The following KMT2C variants were observed in gnomAD, a reference collection of about 807,000 sequenced individuals.
KMT2C encodes histone-lysine N-methyltransferase 2C.
KMT2C carries 88 observed loss-of-function variants against 507.9 expected under a neutral mutation model. That is an observed-to-expected ratio of 0.17 (90% CI 0.15 to 0.21). The LOEUF (loss-of-function observed/expected upper bound fraction) is 0.21. Ranked by LOEUF, KMT2C falls within the 10% of genes least tolerant of loss-of-function variation. The pLI is 1.00. For synonymous variants in KMT2C, 2,049 were observed against 2,080.8 expected (o/e 0.98, Z 0.42); for missense variants, 4,954 against 5,957.8 (o/e 0.83, Z 5.55).
intron 23 of KMT2C, among the ~76,000 whole-genome samples, chr7:152,210,380 G>C (rs759417527): frequency 1.3e-5 from 2 of 152,038 alleles, no homozygotes; most frequent in Non-Finnish European, 2.9e-5. Context: ...TATCTATCCA[G>C]TCTCCATCTT....
chr7:152,276,118 T>A (rs1441446293), intron 6 of KMT2C, among the ~76,000 whole-genome samples: 1 of 152,030 alleles, frequency 6.6e-6, no homozygotes, highest in Non-Finnish European at 1.5e-5. Context: ...AAGATATCAG[T>A]GAATAAAAGA....
At position 152,309,966 on chromosome 7, in the gene KMT2C, T is replaced by C. The variant is rs768389485; in HGVS notation, c.849A>G (p.Glu283=). ...VDKAVVSGST[E]RCAFCKHLGA... ...TTAAATATTTGCTTTGTCTACTTAC[T>C]TCTGTGCTCCCTGAGACAACAGCTT... The change falls in exon 6 of 59, where the codon GAA becomes GAG. Residue 283 remains glutamate, a splice_region_variant and synonymous_variant. Coordinates refer to ENST00000262189, the MANE Select transcript of KMT2C (RefSeq NM_170606.3). The C allele has an allele frequency of 6.3e-7, 1 of 1,582,572 alleles. No individual in the cohort carries two copies. Among genetic ancestry groups the C allele is most frequent in the Non-Finnish European group, 8.7e-7 (1 of 1,152,148 alleles).
rs1279555195 is a variant in KMT2C, at chr7:152,290,256, GTGTATA to G, written c.850-16395_850-16390del. Among the ~76,000 whole-genome samples, 5 of 32,050 alleles carry G rather than the reference GTGTATA, an allele frequency of 1.6e-4. No homozygotes were observed. The East Asian group carries it at 2.7e-3, about 18-fold the overall frequency. The allele number at this position is 32,050 out of a possible 152,430, so 21.0% of individuals were successfully genotyped here. On this transcript the variant is annotated intron_variant, in intron 6 of 58. Coordinates refer to ENST00000262189, the MANE Select transcript of KMT2C (RefSeq NM_170606.3). Reference sequence around the variant, plus strand: ...TGTGTGTGTGTGTGTGTGTGTGTATGTGTATATATATATATATATATATATATATAT... The same window carrying G: ...TGTGTGTGTGTGTGTGTGTGTGTATGTATATATATATATATATATATATAT...
At position 152,167,342 on chromosome 7, in the gene KMT2C, T is replaced by C; in HGVS notation, c.9554A>G (p.Gln3185Arg). ...CATTTGAAGCAGCTGTTGGGTCTCC[T>C]GGAGCCACTCTTCATACTGCTTACG... The part of the protein sequence containing the change: ...SQRKQYEEWL[Q>R]ETQQLLQMQQ... The change falls in exon 42 of 59, where the codon CAG becomes CGG. Residue 3185 changes from glutamine to arginine, a missense_variant. Coordinates refer to ENST00000262189, the MANE Select transcript of KMT2C (RefSeq NM_170606.3). 6.2e-7 allele frequency: 1 copy of C among 1,613,726 alleles called. No individual in the cohort carries two copies. The highest frequency in any genetic ancestry group is 8.5e-7 in the Non-Finnish European group (1 of 1,179,756).
At position 152,253,197 on chromosome 7, in the gene KMT2C, G is replaced by A. The variant is rs138969591; in HGVS notation, c.1300-482C>T. On this transcript the variant is annotated intron_variant, in intron 9 of 58. Coordinates refer to ENST00000262189, the MANE Select transcript of KMT2C (RefSeq NM_170606.3). ...TAAAAAGCTGTTTTCAATGTCTGAT[G>A]TGGCCTCACAAAATCTGCACTAAAA... Among the ~76,000 whole-genome samples the A allele has an allele frequency of 1.5e-3, 222 of 152,150 alleles. 1 individual carries two copies. Among genetic ancestry groups the A allele is most frequent in the African/African-American group, 5.1e-3 (210 of 41,498 alleles).
chr7:152,224,128 T>C lies in KMT2C; in HGVS notation c.3210A>G (p.Glu1070=). The C allele has an allele frequency of 5.0e-6, 8 of 1,608,224 alleles. No individual in the cohort carries two copies. Among genetic ancestry groups the C allele is most frequent in the Non-Finnish European group, 6.8e-6 (8 of 1,176,444 alleles). The part of the protein sequence containing the change: ...CGATSAGLRC[E]WQNNYTQCAP... ...CGCACTGTGTGTAATTGTTCTGCCA[T>C]TCACATCTTAGACCTGCAGATGTTG... The change falls in exon 20 of 59, where the codon GAA becomes GAG. Residue 1070 remains glutamate, a synonymous_variant. Transcript: ENST00000262189.
rs114543972 is a variant in KMT2C at position 152,331,541 on chromosome 7, G to A, written c.251-802C>T. Among the ~76,000 whole-genome samples the A allele has an allele frequency of 3.7e-3, 567 of 151,496 alleles. 8 individuals are homozygous for A. The highest frequency in any genetic ancestry group is 0.013 in the African/African-American group (543 of 41,254). On this transcript the variant is annotated intron_variant, in intron 2 of 58. Transcript: ENST00000262189. ...GGAGAATCAATCAAGCCCCGGCAGCGGAGGCTACAGTGAGCTGTGATGGCA... is the reference window on the plus strand; with the variant it reads ...GGAGAATCAATCAAGCCCCGGCAGCAGAGGCTACAGTGAGCTGTGATGGCA...
intron 25 of KMT2C, among the ~76,000 whole-genome samples, chr7:152,203,796 T>C (rs940553996): frequency 5.9e-5 from 9 of 152,084 alleles, no homozygotes; most frequent in Admixed American, 1.3e-4. Flanking sequence ...TTCTGAAAAC[T>C]AGAAATAGAC....
chr7:152,215,688 T>TAC (rs1554539523), intron 23 of KMT2C, among the ~76,000 whole-genome samples: 22 of 134,496 alleles, frequency 1.6e-4, no homozygotes, highest in Admixed American at 8.7e-4. Context: ...TATATATATA[T>TAC]ACACACACAC....
chr7:152,180,503 T>A (rs563313966), intron 36 of KMT2C, among the ~76,000 whole-genome samples: 1 of 152,210 alleles, frequency 6.6e-6, no homozygotes, highest in Non-Finnish European at 1.5e-5. Context: ...AGGATTCCCC[T>A]GCGAATTCGT....
chr7:152,251,676 G>A (rs1047463550), intron 11 of KMT2C, among the ~76,000 whole-genome samples: 4 of 151,818 alleles, frequency 2.6e-5, no homozygotes, highest in East Asian at 3.9e-4. Flanking sequence ...TTCCACTGTC[G>A]GCCTGAAGAA....
intron 1 of KMT2C, among the ~76,000 whole-genome samples, chr7:152,420,293 C>T (rs2097769893): frequency 1.3e-5 from 2 of 152,176 alleles, no homozygotes; most frequent in African/African-American, 2.4e-5. Context: ...CTGTGATGAA[C>T]ACATAGCATG....
At chr7:152,360,473 TGTCTCAAAAAAAAAAA>T (rs1383147902) in intron 1 of KMT2C, among the ~76,000 whole-genome samples, 1 of 150,128 alleles carries the variant, frequency 6.7e-6, no homozygotes, top group Non-Finnish European at 1.5e-5. Context: ...AGTGAAACTC[TGTCTCAAAAAAAAAAA>T]GTTAACCAAC....
intron 6 of KMT2C, among the ~76,000 whole-genome samples, chr7:152,290,886 A>G (rs1300255399): frequency 2.6e-5 from 4 of 152,002 alleles, no homozygotes; most frequent in Non-Finnish European, 5.9e-5. Context: ...ATCCTATATT[A>G]TCTTTTTAAA....
At chr7:152,174,360 G>A (rs958684265) in intron 38 of KMT2C, 118 bp from the exon 39 acceptor site, 4 of 579,582 alleles carry the variant, frequency 6.9e-6, no homozygotes, top group African/African-American at 5.8e-5. Context: ...ACAGATTTCT[G>A]AGATGGCAAC....
intron 13 of KMT2C, 99 bp from the exon 14 acceptor site, chr7:152,248,719 C>G: frequency 6.0e-6 from 4 of 665,398 alleles, no homozygotes; most frequent in Non-Finnish European, 7.6e-6. Flanking sequence ...GAACTTAAAT[C>G]AGAAGGTATT....
At chr7:152,277,679 G>A (rs2096108936) in intron 6 of KMT2C, among the ~76,000 whole-genome samples, 2 of 151,784 alleles carry the variant, frequency 1.3e-5, no homozygotes, top group African/African-American at 4.8e-5. Context: ...GAAAATTCTT[G>A]GAGCCACATA....
At chr7:152,380,245 AAAAAAACAAAACAAAAC>A (rs2097361425) in intron 1 of KMT2C, among the ~76,000 whole-genome samples, 1 of 146,728 alleles carries the variant, frequency 6.8e-6, no homozygotes, top group South Asian at 2.2e-4. Flanking sequence ...ATCTCCAAAA[AAAAAAACAAAACAAAAC>A]AAAAAACAAA....
At chr7:152,357,211 A>G (rs1424856917) in intron 2 of KMT2C, among the ~76,000 whole-genome samples, 2 of 151,622 alleles carry the variant, frequency 1.3e-5, no homozygotes, top group Non-Finnish European at 2.9e-5. Flanking sequence ...TGGGAGAGAG[A>G]GCAAGACTCT....
Sources: gnomAD v4.1 joint callset for allele counts (sites outside exome capture counted in the v4.1 genomes callset) on GRCh38, gnomAD v4.1.1 for gene constraint, MANE v1.5 for transcripts, NCBI Gene and HGNC (gene_info 2026-07-23, HGNC 2026-07-21) for gene names.